SLC25A30: variants seen among roughly 807,000 people sequenced by gnomAD.
SLC25A30 encodes kidney mitochondrial carrier protein 1.
Under a neutral mutation model 42.7 loss-of-function variants are expected in SLC25A30, and 29 were observed. The ratio of observed to expected loss-of-function variants is 0.68; its 90% CI spans 0.51 to 0.93. SLC25A30 has a LOEUF of 0.93. Among genes scored for constraint, SLC25A30 ranks in the 40% least tolerant of loss-of-function variants. SLC25A30 has a pLI of 0.00. For synonymous variants in SLC25A30, 124 were observed against 131.0 expected (o/e 0.95, Z 0.37); for missense variants, 300 against 359.7 (o/e 0.83, Z 1.34).
the SLC25A30 span, among the ~76,000 whole-genome samples, chr13:45,427,870 A>C: frequency 1.4e-3 from 208 of 151,996 alleles, 1 homozygote; most frequent in Middle Eastern, 0.031. Context: ...CAGCCTCCTG[A>C]GGAGCTGCAA....
Position 45,411,464 on chromosome 13 carries a change from C to T in SLC25A30, c.-39G>A. On this transcript the variant is annotated 5_prime_UTR_variant, in exon 2 of 10. Transcript: ENST00000519676. Reference sequence around the variant, plus strand: ...CTTCTTTGATTTATAGAAACATTGCCTCCAGTGCTGTTTTTCCTGGACACA... The same window carrying T: ...CTTCTTTGATTTATAGAAACATTGCTTCCAGTGCTGTTTTTCCTGGACACA... 2 of 1,608,198 alleles carry T rather than the reference C, an allele frequency of 1.2e-6. No individual in the cohort carries two copies. Among genetic ancestry groups the T allele is most frequent in the Non-Finnish European group, 1.7e-6 (2 of 1,175,086 alleles).
rs140267381 is a variant in SLC25A30 at position 45,407,652 on chromosome 13, T to C, written c.212+1275A>G. On this transcript the variant is annotated intron_variant, in intron 3 of 9. Coordinates refer to ENST00000519676, the MANE Select transcript of SLC25A30 (RefSeq NM_001010875.4). ...AAGACACATTTCCAATCTTCCAAGA[T>C]TCTCCATTTAGATGTCCTGTGTATA... Among the ~76,000 whole-genome samples the C allele has an allele frequency of 4.6e-5, 7 of 152,328 alleles. No homozygotes were observed. The East Asian group carries it at 1.2e-3, about 25-fold the overall frequency.
At position 45,408,951 on chromosome 13, in the gene SLC25A30, T is replaced by C. The variant is rs201579618; in HGVS notation, c.188A>G (p.Glu63Gly). ...LHALVRIGRE[E>G]GLKALYSGIA... ...CCCCGAGTAGAGTGCTTTCAGCCCT[T>C]CTTCTCTGCCTATCCTCACTAATGC... Residue 63 changes from glutamate (E) to glycine (G), a missense_variant, in exon 3 of 10, where the codon GAA becomes GGA. Transcript: ENST00000519676. The C allele has an allele frequency of 6.1e-5, 98 of 1,610,384 alleles. No individual in the cohort carries two copies. The highest frequency in any genetic ancestry group is 1.6e-4 in the South Asian group (14 of 90,038).
intron 1 of SLC25A30, among the ~76,000 whole-genome samples, chr13:45,416,962 G>A (rs923766822): frequency 3.2e-4 from 48 of 152,216 alleles, no homozygotes; most frequent in African/African-American, 1.2e-3. Flanking sequence ...GTAAAGGGAG[G>A]TAATTAAATA....
chr13:45,433,997 G>A, the SLC25A30 span, among the ~76,000 whole-genome samples: 1 of 152,156 alleles, frequency 6.6e-6, no homozygotes, highest in Non-Finnish European at 1.5e-5. Flanking sequence ...AATGGTTCAT[G>A]CCTGTAATCC....
At chr13:45,418,407 G>C (rs1233834605), upstream of SLC25A30, 1 of 150,446 alleles carries the variant, frequency 6.6e-6, no homozygotes, top group African/African-American at 2.4e-5. Context: ...GCAGACCCAC[G>C]AGCCTGCACG....
intron 3 of SLC25A30, among the ~76,000 whole-genome samples, chr13:45,408,418 G>A (rs34444894): frequency 0.14 from 21,954 of 152,112 alleles, 1,808 homozygotes; most frequent in African/African-American, 0.21. Flanking sequence ...GTGCTGTGGT[G>A]TACTGGAGAA....
intron 2 of SLC25A30, among the ~76,000 whole-genome samples, chr13:45,410,388 T>G (rs529202885): frequency 7.9e-4 from 120 of 152,328 alleles, no homozygotes; most frequent in Non-Finnish European, 1.5e-3. Flanking sequence ...ATAAAACTTG[T>G]GTTTGAGGCT....
Position 45,417,875 on chromosome 13 carries a change from G to A in SLC25A30, c.-56+425C>T, listed in dbSNP as rs541172863. Among the ~76,000 whole-genome samples, 3 of 152,320 alleles carry A rather than the reference G, an allele frequency of 2.0e-5. No homozygotes were observed. In the East Asian group the frequency reaches 5.8e-4, roughly 29 times the overall value. On this transcript the variant is annotated intron_variant, in intron 1 of 9. Coordinates refer to ENST00000519676, the MANE Select transcript of SLC25A30 (RefSeq NM_001010875.4). The stretch of plus-strand genomic sequence containing the variant: ...CGAATGTGGTGTGCCCTCTCCCACA[G>A]TGCGAAGCTCGCGGGCGCTCAGGCT...
chr13:45,405,175 C>T (rs1301772227), intron 4 of SLC25A30, among the ~76,000 whole-genome samples: 1 of 152,210 alleles, frequency 6.6e-6, no homozygotes, highest in African/African-American at 2.4e-5. Context: ...CTGCCCGCCT[C>T]AGCCTCCCCA....
upstream of SLC25A30, among the ~76,000 whole-genome samples, chr13:45,418,949 A>G (rs866987276): frequency 1.8e-5 from 1 of 54,760 alleles, no homozygotes; most frequent in East Asian, 6.3e-4. Flanking sequence ...TCAAAAAAAA[A>G]AAAAAAAAAA....
rs2137652851 is a variant in SLC25A30, at chr13:45,404,197, T to G, written c.393+130A>C. On this transcript the variant is annotated intron_variant, in intron 5 of 9. Transcript: ENST00000519676. Reference sequence around the variant, plus strand: ...CCTCATGGACCTTTAAAAGTTAGTCTTCATGGCACTTAAATTATAAACAGA... The same window carrying G: ...CCTCATGGACCTTTAAAAGTTAGTCGTCATGGCACTTAAATTATAAACAGA... 10 of 673,052 alleles carry G rather than the reference T, an allele frequency of 1.5e-5. 1 individual carries two copies. In the Middle Eastern group the frequency reaches 9.3e-4, roughly 62 times the overall value. The allele number at this position is 673,052 out of a possible 1,614,324, so 41.7% of individuals were successfully genotyped here. A position where few individuals can be genotyped will look rare whatever the true frequency, so the allele number is the denominator to read the frequency against.
Position 45,395,617 on chromosome 13 carries a change from C to CA in SLC25A30, c.*356dup. On this transcript the variant is annotated 3_prime_UTR_variant, in exon 10 of 10. Coordinates refer to ENST00000519676, the MANE Select transcript of SLC25A30 (RefSeq NM_001010875.4). The stretch of plus-strand genomic sequence containing the variant: ...AGCTTTTCTAGAGCAGTCTGATTCT[C>CA]AGTCATGAGCTGAGATGCATCAGGA... The CA allele has an allele frequency of 8.7e-7, 1 of 1,153,328 alleles. No individual in the cohort carries two copies. Among genetic ancestry groups the CA allele is most frequent in the Non-Finnish European group, 1.1e-6 (1 of 925,720 alleles). 71.4% of individuals were successfully genotyped at this position (1,153,328 alleles called of 1,614,324 possible).
chr13:45,409,065 G>A lies in SLC25A30; in HGVS notation c.74C>T (p.Pro25Leu). 1 of 1,593,574 alleles carries A rather than the reference G, an allele frequency of 6.3e-7. No homozygotes were observed. The highest frequency in any genetic ancestry group is 8.5e-7 in the Non-Finnish European group (1 of 1,173,148). The change falls in exon 3 of 10, where the codon CCA becomes CTA. Residue 25 changes from proline to leucine, a missense_variant. Transcript: ENST00000519676. ...ASITAECGTF[P>L]IDLTKTRLQI... ...GAGCCGTGTCTTGGTTAAATCAATT[G>A]GAAATGTACCTTAAAATTTAAAAAG...
intron 4 of SLC25A30, among the ~76,000 whole-genome samples, 192 bp from the exon 5 acceptor site, chr13:45,404,604 A>G (rs1566206425): frequency 6.6e-6 from 1 of 152,174 alleles, no homozygotes; most frequent in African/African-American, 2.4e-5. Flanking sequence ...AGATCACTTG[A>G]GGTCAGGAGT....
chr13:45,408,805 C>A, intron 3 of SLC25A30, 122 bp downstream of exon 3: 2 of 759,624 alleles, frequency 2.6e-6, no homozygotes, highest in African/African-American at 1.8e-5. Context: ...ATCTGTCATG[C>A]TATTTGTTCT....
At chr13:45,426,837 T>C in the SLC25A30 span, among the ~76,000 whole-genome samples, 1 of 152,194 alleles carries the variant, frequency 6.6e-6, no homozygotes, top group Non-Finnish European at 1.5e-5. Context: ...CAAGGTAATC[T>C]GTGAGGTTCC....
the SLC25A30 span, among the ~76,000 whole-genome samples, chr13:45,431,262 G>T: frequency 1 from 35,480 of 35,504 alleles, 17,728 homozygotes; most frequent in Middle Eastern, 1. Context: ...GCCTAGGCTG[G>T]TCTCGAACTC....
At chr13:45,398,808 T>G (rs1400253442) in intron 8 of SLC25A30, 132 bp downstream of exon 8, 11 of 885,114 alleles carry the variant, frequency 1.2e-5, no homozygotes, top group Non-Finnish European at 1.8e-5. Context: ...GCAAAAATGG[T>G]CTCACACATG....
Sources: allele counts gnomAD v4.1 joint callset (sites outside exome capture counted in the v4.1 genomes callset), GRCh38; gene constraint gnomAD v4.1.1; transcripts MANE v1.5; gene names NCBI Gene and HGNC (gene_info 2026-07-23, HGNC 2026-07-21).